The following APC variants were observed in gnomAD, a reference collection of about 807,000 sequenced individuals.
The protein encoded by APC is adenomatous polyposis coli protein.
In APC, 72 loss-of-function variants were observed where a neutral mutation model predicts 247.0. That is an observed-to-expected ratio of 0.29 (90% CI 0.24 to 0.35). The LOEUF (loss-of-function observed/expected upper bound fraction) is 0.35. APC is among the 10% of genes least tolerant of loss of function. The pLI, the probability that APC is intolerant of heterozygous loss-of-function variation, is 1.00. For synonymous variants in APC, 1,254 were observed against 1,162.5 expected, an observed-to-expected ratio of 1.08 and a Z score of -1.60; for missense variants, 3,400 against 3,360.7, an observed-to-expected ratio of 1.01 and a Z score of -0.29.
chr5:112,751,179 A>G (rs1377747225), intron 1 of APC, among the ~76,000 whole-genome samples: 2 of 152,094 alleles, frequency 1.3e-5, no homozygotes. Flanking sequence ...CAGATTCCCC[A>G]GATGATTAAC....
chr5:112,722,991 TTTC>T (rs1454820355), intron 1 of APC, among the ~76,000 whole-genome samples: 1 of 152,134 alleles, frequency 6.6e-6, no homozygotes, highest in African/African-American at 2.4e-5. Context: ...CTGTGTAGCA[TTTC>T]TTCTTTGATA....
intron 1 of APC, among the ~76,000 whole-genome samples, chr5:112,723,930 A>G (rs7704566): frequency 0.015 from 2,333 of 152,252 alleles, 31 homozygotes; most frequent in African/African-American, 0.017. Context: ...GGGGGGGTCC[A>G]GGGTTTAATG....
At position 112,780,898 on chromosome 5, in the gene APC, G is replaced by T. The variant is rs1580380433; in HGVS notation, c.640G>T (p.Ala214Ser). 1 of 1,598,482 alleles carries T rather than the reference G, an allele frequency of 6.3e-7. No homozygotes were observed. Among genetic ancestry groups the T allele is most frequent in the East Asian group, 2.2e-5 (1 of 44,558 alleles). ...TACCTGCCAGGATATGGAAAAACGAGCACAGGTAAGTTACTTGTTTCTAAG... is the reference window on the plus strand; with the variant it reads ...TACCTGCCAGGATATGGAAAAACGATCACAGGTAAGTTACTTGTTTCTAAG... ...LGTCQDMEKRAQRRIARIQQI... is the reference protein window; with the variant it reads ...LGTCQDMEKRSQRRIARIQQI... The change falls in exon 6 of 16, where the codon GCA becomes TCA. Residue 214 changes from alanine to serine, a missense_variant. Ala to Ser is a moderately conservative substitution (Grantham distance 99, BLOSUM62 1). Coordinates refer to ENST00000257430, the MANE Select transcript of APC (RefSeq NM_000038.6).
intron 1 of APC, among the ~76,000 whole-genome samples, chr5:112,748,932 A>T (rs1359690491): frequency 6.6e-6 from 1 of 152,208 alleles, no homozygotes; most frequent in African/African-American, 2.4e-5. Flanking sequence ...TGAGCCAGGG[A>T]GGTCAAGGCT....
At chr5:112,820,182 G>C (rs954296564) in intron 10 of APC, among the ~76,000 whole-genome samples, 4 of 143,314 alleles carry the variant, frequency 2.8e-5, no homozygotes, top group Admixed American at 1.4e-4. Context: ...GATAAGAACT[G>C]ACACACACAC....
At chr5:112,752,405 A>G (rs1045890102) in intron 1 of APC, among the ~76,000 whole-genome samples, 2 of 152,142 alleles carry the variant, frequency 1.3e-5, no homozygotes, top group Non-Finnish European at 2.9e-5. Flanking sequence ...TTTATTTTCT[A>G]ATGAACATTT....
chr5:112,842,221 T>A lies in APC; in HGVS notation c.6627T>A (p.Ile2209=), dbSNP rs2149969232. 1 of 1,613,794 alleles carries A rather than the reference T, an allele frequency of 6.2e-7. No homozygotes were observed. The highest frequency in any genetic ancestry group is 8.5e-7 in the Non-Finnish European group (1 of 1,179,758). Residue 2209 remains isoleucine (I), a synonymous_variant, in exon 16 of 16, where the codon ATT becomes ATA. Coordinates refer to ENST00000257430, the MANE Select transcript of APC (RefSeq NM_000038.6). ...GAAAAGTTCGATCTAATTCAGAAAT[T>A]TCAGGCCAAATGAAACAGCCCCTTC... The part of the protein sequence containing the change: ...ITGKVRSNSE[I]SGQMKQPLQA...
intron 4 of APC, among the ~76,000 whole-genome samples, chr5:112,772,455 C>G (rs150231152): frequency 0.011 from 1,657 of 152,186 alleles, 8 homozygotes; most frequent in Middle Eastern, 0.034. Flanking sequence ...CTAACCTCCC[C>G]CTTACTTCAA....
At chr5:112,714,700 A>G (rs940464599) in intron 1 of APC, among the ~76,000 whole-genome samples, 1 of 152,180 alleles carries the variant, frequency 6.6e-6, no homozygotes, top group African/African-American at 2.4e-5. Flanking sequence ...TAGTATCACC[A>G]CTACTGAAAC....
intron 6 of APC, among the ~76,000 whole-genome samples, chr5:112,792,206 A>G (rs1759692281): frequency 6.6e-6 from 1 of 152,132 alleles, no homozygotes; most frequent in Non-Finnish European, 1.5e-5. Flanking sequence ...AGATTATGCC[A>G]CTGCACTCCA....
chr5:112,783,225 T>A (rs186184477), intron 6 of APC, among the ~76,000 whole-genome samples: 2 of 152,328 alleles, frequency 1.3e-5, no homozygotes, highest in Admixed American at 6.5e-5. Flanking sequence ...ACTTGAGTTC[T>A]TTCTTGGCCA....
Position 112,838,008 on chromosome 5 carries a change from G to T in APC, c.2414G>T (p.Arg805Leu), listed in dbSNP as rs200593940. ...GGTGATTATGTTTTTGACACCAATCGACATGATGATAATAGGTCAGACAAT... is the reference window on the plus strand; with the variant it reads ...GGTGATTATGTTTTTGACACCAATCTACATGATGATAATAGGTCAGACAAT... ...LYGDYVFDTN[R>L]HDDNRSDNFN... The change falls in exon 16 of 16, where the codon CGA becomes CTA. Residue 805 changes from arginine to leucine, a missense_variant. Transcript: ENST00000257430. 6.2e-7 allele frequency: 1 copy of T among 1,614,008 alleles called. No homozygotes were observed. Among genetic ancestry groups the T allele is most frequent in the East Asian group, 2.2e-5 (1 of 44,874 alleles).
intron 1 of APC, among the ~76,000 whole-genome samples, chr5:112,749,315 C>T (rs1754030325): frequency 6.6e-6 from 1 of 152,080 alleles, no homozygotes. Context: ...TCATGGAATG[C>T]ATTGGAAAAT....
intron 1 of APC, among the ~76,000 whole-genome samples, chr5:112,714,795 T>C (rs1751063754): frequency 6.6e-6 from 1 of 152,192 alleles, no homozygotes; most frequent in Admixed American, 6.5e-5. Context: ...ACTCTATGGG[T>C]ATTATTTTTC....
intron 1 of APC, among the ~76,000 whole-genome samples, chr5:112,749,249 T>G (rs1254257697): frequency 6.6e-6 from 1 of 152,194 alleles, no homozygotes; most frequent in Non-Finnish European, 1.5e-5. Flanking sequence ...AAATATTAGC[T>G]TATGATTATT....
intron 1 of APC, among the ~76,000 whole-genome samples, chr5:112,740,680 C>T (rs1218246301): frequency 6.6e-6 from 1 of 151,612 alleles, no homozygotes; most frequent in African/African-American, 2.4e-5. Flanking sequence ...CACATACCAC[C>T]GTGCACAGCT....
chr5:112,836,257 C>T (rs970594015), intron 15 of APC, among the ~76,000 whole-genome samples: 1 of 149,178 alleles, frequency 6.7e-6, no homozygotes, highest in Non-Finnish European at 1.5e-5. Context: ...CCTTGAACTC[C>T]TGACCTTAGG....
intron 11 of APC, among the ~76,000 whole-genome samples, chr5:112,826,186 T>C (rs1763639797): frequency 6.6e-6 from 1 of 152,230 alleles, no homozygotes; most frequent in Non-Finnish European, 1.5e-5. Context: ...TGCAGATGAA[T>C]GACCTAATTA....
chr5:112,749,130 T>G (rs1241019004), intron 1 of APC, among the ~76,000 whole-genome samples: 1 of 152,248 alleles, frequency 6.6e-6, no homozygotes, highest in Non-Finnish European at 1.5e-5. Context: ...TGCACTCTAC[T>G]CGCATTCCTG....
Sources: allele counts gnomAD v4.1 joint callset (sites outside exome capture counted in the v4.1 genomes callset), GRCh38; gene constraint gnomAD v4.1.1; transcripts MANE v1.5; gene names NCBI Gene and HGNC (gene_info 2026-07-23, HGNC 2026-07-21).